The following VRK2 variants were observed in gnomAD, a reference collection of about 807,000 sequenced individuals.
The protein encoded by VRK2 is serine/threonine-protein kinase VRK2.
VRK2 carries 60 observed loss-of-function variants against 57.6 expected under a neutral mutation model. That is an observed-to-expected ratio of 1.04 (90% CI 0.85 to 1.29). The LOEUF (loss-of-function observed/expected upper bound fraction) is 1.29, where lower values mean the gene tolerates loss of function less well. VRK2 is among the 50% of genes most tolerant of loss of function. The pLI is 0.00. For missense variants in VRK2, 705 were observed against 588.1 expected, an observed-to-expected ratio of 1.20 and a Z score of -2.06; for synonymous variants, 231 against 199.2, an observed-to-expected ratio of 1.16 and a Z score of -1.35.
At chr2:58,040,936 T>C (rs1324408733) in intron 3 of VRK2, 1 of 722,528 alleles carries the variant, frequency 1.4e-6, no homozygotes, top group Admixed American at 6.3e-5. Context: ...ACAGGAAAAC[T>C]ATTTCTTACT....
rs571307955 is a variant in VRK2 at position 58,101,579 on chromosome 2, T to C, written c.543+11856T>C. Among the ~76,000 whole-genome samples the C allele has an allele frequency of 7.8e-4, 118 of 151,876 alleles. 1 individual carries two copies. The highest frequency in any genetic ancestry group is 2.8e-3 in the African/African-American group (115 of 41,524). ...TCTAATTGTACTTAAGCTCTCTTTT[T>C]CTTTTTTTGTGACTTTTTTTAGTGG... On this transcript the variant is annotated intron_variant, in intron 7 of 12. Transcript: ENST00000340157.
At chr2:57,993,386 T>C (rs1672829885) in intron 1 of VRK2, among the ~76,000 whole-genome samples, 1 of 152,044 alleles carries the variant, frequency 6.6e-6, no homozygotes, top group East Asian at 1.9e-4. Context: ...ACAGTTACAT[T>C]AGAATTAAAT....
intron 1 of VRK2, among the ~76,000 whole-genome samples, chr2:57,958,458 T>C (rs1171881270): frequency 2.0e-5 from 3 of 149,920 alleles, no homozygotes; most frequent in African/African-American, 7.5e-5. Flanking sequence ...TGTATATATA[T>C]ACATGTATAT....
At chr2:58,090,327 C>T (rs1471452348) in intron 7 of VRK2, among the ~76,000 whole-genome samples, 3 of 141,942 alleles carry the variant, frequency 2.1e-5, no homozygotes, top group South Asian at 4.5e-4. Context: ...ACCCAGGAGG[C>T]GGATGTTGCA....
intron 12 of VRK2, among the ~76,000 whole-genome samples, chr2:58,158,146 A>G (rs557444757): frequency 1.3e-5 from 2 of 150,122 alleles, no homozygotes; most frequent in South Asian, 4.4e-4. Context: ...AGCCTTGCAC[A>G]TGTGAGCTAT....
chr2:58,134,617 CAAA>C (rs70954875), intron 9 of VRK2, among the ~76,000 whole-genome samples: 4 of 73,110 alleles, frequency 5.5e-5, no homozygotes, highest in Admixed American at 1.6e-4. Flanking sequence ...GACTCCGTCT[CAAA>C]AAAAAAAAAA....
intron 1 of VRK2, among the ~76,000 whole-genome samples, chr2:58,000,290 C>G (rs913089914): frequency 7.2e-5 from 11 of 152,132 alleles, no homozygotes; most frequent in African/African-American, 2.4e-4. Flanking sequence ...ATAATTTTAC[C>G]TCTAAGGTAA....
chr2:58,049,827 G>A (rs1474705463), intron 2 of VRK2, among the ~76,000 whole-genome samples: 1 of 152,084 alleles, frequency 6.6e-6, no homozygotes, highest in Non-Finnish European at 1.5e-5. Flanking sequence ...AGAAAAACAT[G>A]CTTCATGGAT....
rs560885606 is a variant in VRK2 at position 58,132,724 on chromosome 2, G to A, written c.797+796G>A. The stretch of plus-strand genomic sequence containing the variant: ...AGAGTACAAAGCCAGGGGAAAATTA[G>A]CTGATTCATAGAAATCTATCTTTAA... On this transcript the variant is annotated intron_variant, in intron 9 of 12. Coordinates refer to ENST00000340157, the MANE Select transcript of VRK2 (RefSeq NM_006296.7). 2.0e-5 allele frequency among the ~76,000 whole-genome samples: 3 copies of A among 152,256 alleles called. No homozygotes were observed. The East Asian group carries it at 5.8e-4, about 29-fold the overall frequency.
intron 10 of VRK2, among the ~76,000 whole-genome samples, chr2:58,135,463 C>A (rs529148923): frequency 3.8e-4 from 54 of 141,642 alleles, no homozygotes; most frequent in African/African-American, 1.3e-3. Flanking sequence ...TTTTTAAGAT[C>A]TCTATTTTGA....
chr2:57,967,935 G>A (rs1671973444), intron 1 of VRK2, among the ~76,000 whole-genome samples: 1 of 151,872 alleles, frequency 6.6e-6, no homozygotes, highest in Non-Finnish European at 1.5e-5. Context: ...ACAAAACTTA[G>A]AATTAACAAA....
Position 58,146,414 on chromosome 2 carries a change from A to G in VRK2, c.1122A>G (p.Ala374=), listed in dbSNP as rs1186045912. The G allele has an allele frequency of 1.9e-6, 3 of 1,611,794 alleles. No individual in the cohort carries two copies. In the East Asian group the frequency reaches 6.7e-5, roughly 36 times the overall value. Residue 374 remains alanine (A), a synonymous_variant, in exon 12 of 13, where the codon GCA becomes GCG. Transcript: ENST00000340157. The part of the protein sequence containing the change: ...VHSERSAESC[A]TWKVQKEEKL... ...GTGAGAGAAGCGCTGAGTCCTGTGC[A>G]ACATGGAAAGTGCAGAAAGAGGAGA...
intron 11 of VRK2, among the ~76,000 whole-genome samples, chr2:58,143,034 A>G (rs2104627552): frequency 1.3e-5 from 2 of 152,006 alleles, no homozygotes; most frequent in South Asian, 4.1e-4. Context: ...CCCATAGCAT[A>G]TCCAGAGTTG....
At chr2:58,042,984 C>T (rs1010709669), upstream of VRK2, among the ~76,000 whole-genome samples, 8 of 152,218 alleles carry the variant, frequency 5.3e-5, no homozygotes, top group African/African-American at 1.9e-4. Flanking sequence ...TGCTCTGAAT[C>T]ATAAAATTCT....
intron 12 of VRK2, among the ~76,000 whole-genome samples, chr2:58,158,995 T>C (rs1401139809): frequency 6.6e-6 from 1 of 152,120 alleles, no homozygotes; most frequent in African/African-American, 2.4e-5. Context: ...TTTCTAATTA[T>C]GGCTATCTTA....
intron 2 of VRK2, among the ~76,000 whole-genome samples, chr2:58,060,767 A>G (rs1161052908): frequency 2.0e-5 from 3 of 151,904 alleles, no homozygotes; most frequent in African/African-American, 7.2e-5. Context: ...AGGTTTTTAA[A>G]CCTAAATTAC....
intron 1 of VRK2, among the ~76,000 whole-genome samples, chr2:57,924,302 T>C (rs866278777): frequency 1.6e-4 from 25 of 152,224 alleles, no homozygotes; most frequent in South Asian, 6.2e-4. Context: ...AACTTGTAGA[T>C]TGTTTCCACT....
At chr2:57,950,204 A>G (rs1671382973) in intron 1 of VRK2, among the ~76,000 whole-genome samples, 1 of 152,228 alleles carries the variant, frequency 6.6e-6, no homozygotes, top group Non-Finnish European at 1.5e-5. Context: ...TACATTTTCC[A>G]TGTAGATAAA....
intron 1 of VRK2, among the ~76,000 whole-genome samples, chr2:57,956,289 G>T (rs986902006): frequency 1.3e-5 from 2 of 152,178 alleles, no homozygotes; most frequent in Non-Finnish European, 2.9e-5. Flanking sequence ...GGAGGCTGAG[G>T]CAGGAGGATT....
Sources: gnomAD v4.1 joint callset for allele counts (sites outside exome capture counted in the v4.1 genomes callset) on GRCh38, gnomAD v4.1.1 for gene constraint, MANE v1.5 for transcripts, NCBI Gene and HGNC (gene_info 2026-07-23, HGNC 2026-07-21) for gene names.